Variants in HELZ observed in about 807,000 individuals in gnomAD.
HELZ encodes ATP-dependent RNA helicase with zinc finger domain.
Under a neutral mutation model 218.2 loss-of-function variants are expected in HELZ, and 23 were observed. That is an observed-to-expected ratio of 0.11 (90% CI 0.08 to 0.15). The LOEUF is 0.15. HELZ is among the 10% of genes least tolerant of loss of function. The probability of loss-of-function intolerance (pLI) is 1.00; values close to 1 mark genes in which losing one functional copy is unlikely to be tolerated. For missense variants in HELZ, 1,813 were observed against 2,353.7 expected, an observed-to-expected ratio of 0.77 and a Z score of 4.75; for synonymous variants, 814 against 829.4, an observed-to-expected ratio of 0.98 and a Z score of 0.32.
chr17:67,120,755 A>C (rs117912482), intron 26 of HELZ, 143 bp from the exon 27 acceptor site: 2 of 634,632 alleles, frequency 3.2e-6, no homozygotes, highest in Non-Finnish European at 5.6e-6. Flanking sequence ...AAAATAAATA[A>C]CTACAAAGTT....
chr17:67,196,923 A>G (rs1249160702), intron 7 of HELZ, among the ~76,000 whole-genome samples: 1 of 151,948 alleles, frequency 6.6e-6, no homozygotes, highest in Non-Finnish European at 1.5e-5. Flanking sequence ...TCTCTCTTAC[A>G]TTCTCTCCTC....
At chr17:67,209,782 T>C (rs1282654545) in intron 5 of HELZ, among the ~76,000 whole-genome samples, 7 of 152,222 alleles carry the variant, frequency 4.6e-5, no homozygotes, top group African/African-American at 1.4e-4. Flanking sequence ...TCTGTAAAAC[T>C]GCAATGATAA....
intron 23 of HELZ, 135 bp from the exon 24 acceptor site, chr17:67,128,990 G>A (rs900075411): frequency 8.8e-6 from 6 of 683,494 alleles, no homozygotes; most frequent in South Asian, 1.9e-5. Flanking sequence ...CTATGATTGA[G>A]ATAAAATCTT....
At chr17:67,083,500 C>T (rs1169923707) in intron 32 of HELZ, among the ~76,000 whole-genome samples, 2 of 151,884 alleles carry the variant, frequency 1.3e-5, no homozygotes, top group Admixed American at 6.6e-5. Flanking sequence ...ATTAGGCGGG[C>T]GCCTGTAATC....
chr17:67,087,641 ACT>A (rs1272999320), intron 31 of HELZ, among the ~76,000 whole-genome samples: 4 of 151,994 alleles, frequency 2.6e-5, no homozygotes, highest in African/African-American at 9.7e-5. Context: ...TCTTGACTGG[ACT>A]CCACTGCATT....
chr17:67,218,955 C>A, intron 3 of HELZ, 133 bp from the exon 4 acceptor site: 2 of 626,044 alleles, frequency 3.2e-6, no homozygotes, highest in Non-Finnish European at 5.6e-6. Context: ...AAGGTCACAG[C>A]TAAGCAGCAG....
intron 4 of HELZ, among the ~76,000 whole-genome samples, chr17:67,217,634 C>A (rs2040634395): frequency 1.3e-5 from 2 of 152,290 alleles, no homozygotes; most frequent in African/African-American, 4.8e-5. Flanking sequence ...CGCGTGCACT[C>A]TACTCTGGCC....
intron 13 of HELZ, among the ~76,000 whole-genome samples, chr17:67,174,058 A>C (rs1008532685): frequency 6.6e-6 from 1 of 152,256 alleles, no homozygotes; most frequent in Non-Finnish European, 1.5e-5. Flanking sequence ...ACTGAGGATA[A>C]GAGAAGTAAA....
intron 3 of HELZ, among the ~76,000 whole-genome samples, chr17:67,229,601 ATAAT>A (rs895097141): frequency 9.2e-5 from 14 of 152,214 alleles, no homozygotes; most frequent in Non-Finnish European, 1.3e-4. Context: ...CATTCCATAA[ATAAT>A]TAAATTTCCC....
chr17:67,109,390 T>C lies in HELZ; in HGVS notation c.4215A>G (p.Gln1405=). ...PPQPNQVVQQ[Q]SQLNQQPQQP... ...GCTGAGGCTGCTGATTCAACTGACT[T>C]TGCTGCTGGACTACCTGATTTGGCT... The change falls in exon 29 of 33, where the codon CAA becomes CAG. Residue 1405 remains glutamine, a synonymous_variant. Coordinates refer to ENST00000358691, the MANE Select transcript of HELZ (RefSeq NM_014877.4). 6 of 1,614,202 alleles carry C rather than the reference T, an allele frequency of 3.7e-6. No homozygotes were observed. Among genetic ancestry groups the C allele is most frequent in the Non-Finnish European group, 5.1e-6 (6 of 1,180,036 alleles).
At chr17:67,129,560 G>A (rs2037913171) in intron 23 of HELZ, among the ~76,000 whole-genome samples, 1 of 151,920 alleles carries the variant, frequency 6.6e-6, no homozygotes, top group South Asian at 2.1e-4. Flanking sequence ...CAGCTACTCC[G>A]TATTTTTCTC....
In HELZ at chr17:67,194,118, C is replaced by T. The variant is rs969385465; in HGVS notation, c.482-76G>A. 4.1e-6 allele frequency: 4 copies of T among 982,694 alleles called. No individual in the cohort carries two copies. The African/African-American group carries it at 4.8e-5, about 12-fold the overall frequency. 60.9% of individuals were successfully genotyped at this position (982,694 alleles called of 1,614,324 possible). On this transcript the variant is annotated intron_variant, in intron 8 of 32. Coordinates refer to ENST00000358691, the MANE Select transcript of HELZ (RefSeq NM_014877.4). Reference sequence around the variant, plus strand: ...CTGATATTTTAATGTGTAAGAGATACTACAATCCCTCCACATACATCATCC... The same window carrying T: ...CTGATATTTTAATGTGTAAGAGATATTACAATCCCTCCACATACATCATCC...
At chr17:67,109,766 A>G (rs2037223999) in intron 28 of HELZ, 80 bp from the exon 29 acceptor site, 1 of 983,642 alleles carries the variant, frequency 1.0e-6, no homozygotes. Context: ...ACCCTAACAC[A>G]TCTAAAGGAT....
At chr17:67,201,004 C>A in intron 7 of HELZ, 125 bp downstream of exon 7, 2 of 769,968 alleles carry the variant, frequency 2.6e-6, no homozygotes, top group Admixed American at 3.6e-5. Flanking sequence ...GGCAGTCCCA[C>A]TGCCCCACCT....
In HELZ at chr17:67,085,848, C is replaced by T. The variant is rs74719128; in HGVS notation, c.5494+981G>A. Among the ~76,000 whole-genome samples, 6 of 152,224 alleles carry T rather than the reference C, an allele frequency of 3.9e-5. No individual in the cohort carries two copies. In the East Asian group the frequency reaches 5.8e-4, roughly 15 times the overall value. ...AAAGAGAACAGAGGAAAGATCAAAG[C>T]GCATTCATCTTTAAGGCTAAAGAGG... On this transcript the variant is annotated intron_variant, in intron 32 of 32. Coordinates refer to ENST00000358691, the MANE Select transcript of HELZ (RefSeq NM_014877.4).
At chr17:67,214,259 C>CTTTTTTT (rs777420102) in intron 5 of HELZ, among the ~76,000 whole-genome samples, 28 of 87,728 alleles carry the variant, frequency 3.2e-4, no homozygotes, top group Admixed American at 6.0e-4. Flanking sequence ...ATTAATATTT[C>CTTTTTTT]TTTTTTTTTT....
At chr17:67,117,609 G>T (rs554674145) in intron 27 of HELZ, among the ~76,000 whole-genome samples, 1 of 151,338 alleles carries the variant, frequency 6.6e-6, no homozygotes, top group Non-Finnish European at 1.5e-5. Flanking sequence ...GAGTGCAGTG[G>T]TGTGATCTCG....
chr17:67,202,857 C>T (rs1377886022), intron 6 of HELZ, among the ~76,000 whole-genome samples: 1 of 152,072 alleles, frequency 6.6e-6, no homozygotes, highest in African/African-American at 2.4e-5. Context: ...AGAGCAGGGG[C>T]TCACACCTAT....
At chr17:67,121,558 T>C (rs1392622388) in intron 26 of HELZ, among the ~76,000 whole-genome samples, 1 of 152,172 alleles carries the variant, frequency 6.6e-6, no homozygotes, top group Non-Finnish European at 1.5e-5. Flanking sequence ...AGCTAAGCAT[T>C]TTCCCATTCT....
Sources: allele counts gnomAD v4.1 joint callset (sites outside exome capture counted in the v4.1 genomes callset), GRCh38; gene constraint gnomAD v4.1.1; transcripts MANE v1.5; gene names NCBI Gene and HGNC (gene_info 2026-07-23, HGNC 2026-07-21).